CRNN: variants seen among roughly 807,000 people sequenced by gnomAD.
The protein encoded by CRNN is cornulin, also known as 53 kDa putative calcium-binding protein.
A neutral mutation model predicts 44.7 loss-of-function variants in CRNN; 39 were observed. That is an observed-to-expected ratio of 0.87 (90% CI 0.68 to 1.14). The LOEUF is 1.14. Among genes scored for constraint, CRNN ranks in the 50% most tolerant of loss-of-function variants. The probability of loss-of-function intolerance (pLI) is 0.00; values close to 1 mark genes in which losing one functional copy is unlikely to be tolerated. For synonymous variants in CRNN, 240 were observed against 231.8 expected (o/e 1.04, Z -0.32); for missense variants, 606 against 605.1 (o/e 1.00, Z -0.02).
chr1:152,414,098 A>T (rs1655842964), intron 1 of CRNN, 116 bp downstream of exon 1: 1 of 152,264 alleles, frequency 6.6e-6, no homozygotes, highest in South Asian at 2.1e-4. Context: ...TGGTTTGCCC[A>T]GTGCTCACAG....
In CRNN at chr1:152,409,767, C is replaced by T. The variant is rs760555765; in HGVS notation, c.1315G>A (p.Gly439Ser). The T allele has an allele frequency of 5.0e-6, 8 of 1,614,118 alleles. No homozygotes were observed. Among genetic ancestry groups the T allele is most frequent in the South Asian group, 1.1e-5 (1 of 91,092 alleles). ...GAGTGGTCATCAACCCATTCCTCAC[C>T]AACCACTGTGGGCTGTCTGTCTCCC... is the stretch of plus-strand genomic sequence containing the variant. ...GQGDRQPTVV[G>S]EEWVDDHSRE... The change falls in exon 3 of 3, where the codon GGT (glycine) becomes AGT (serine). Residue 439 changes from glycine to serine, a missense_variant. Physicochemically the swap from Gly to Ser is moderately conservative, Grantham distance 56. Coordinates refer to ENST00000271835, the MANE Select transcript of CRNN (RefSeq NM_016190.3).
chr1:152,412,933 C>T (rs1490775915), intron 1 of CRNN, among the ~76,000 whole-genome samples: 1 of 152,184 alleles, frequency 6.6e-6, no homozygotes, highest in African/African-American at 2.4e-5. Context: ...GTAAATACAT[C>T]TGTGAGTCAA....
rs1474253843 is a variant in CRNN at position 152,410,646 on chromosome 1, C to T, written c.436G>A (p.Gly146Arg). Residue 146 changes from glycine (G) to arginine (R), a missense_variant, in exon 3 of 3, where the codon GGG (glycine) becomes AGG (arginine). Transcript: ENST00000271835. ...GTCTGAACCCCAGGCCTGTTCTGCC[C>T]TCTGGAACCCTGCTGGCTCTGTCTG... ...SHRQSQQGSR[G>R]QNRPGVQTQG... is the part of the protein sequence containing the mutation. 1.9e-6 allele frequency: 3 copies of T among 1,613,990 alleles called. No homozygotes were observed. Among genetic ancestry groups the T allele is most frequent in the Non-Finnish European group, 2.5e-6 (3 of 1,180,004 alleles).
Position 152,409,976 on chromosome 1 carries a change from C to T in CRNN, c.1106G>A (p.Gly369Glu). 4 of 1,614,172 alleles carry T rather than the reference C, an allele frequency of 2.5e-6. No individual in the cohort carries two copies. The highest frequency in any genetic ancestry group is 3.4e-6 in the Non-Finnish European group (4 of 1,180,038). ...EQDRSQTVSHGGAREQGQTQT... is the reference protein window; with the variant it reads ...EQDRSQTVSHEGAREQGQTQT... Reference sequence around the variant, plus strand: ...GGTCTGTCCCTGTTCTCTAGCCCCTCCGTGGCTTACAGTTTGGCTTCTGTC... The same window carrying T: ...GGTCTGTCCCTGTTCTCTAGCCCCTTCGTGGCTTACAGTTTGGCTTCTGTC... Residue 369 changes from glycine (G) to glutamate (E), a missense_variant, in exon 3 of 3, where the codon GGA becomes GAA. By Grantham distance (98) the Gly-to-Glu change is moderately conservative. Coordinates refer to ENST00000271835, the MANE Select transcript of CRNN (RefSeq NM_016190.3).
rs1655707166 is a variant in CRNN at position 152,410,069 on chromosome 1, G to T, written c.1013C>A (p.Thr338Asn). ...TEIHGQGRSQ[T>N]SQAVTGGHTQ... ...GTGTCCTCCTGTCACAGCCTGGCTGGTCTGGCTCCTGCCTTGACCGTGGAT... is the reference window on the plus strand; with the variant it reads ...GTGTCCTCCTGTCACAGCCTGGCTGTTCTGGCTCCTGCCTTGACCGTGGAT... Residue 338 changes from threonine to asparagine, a missense_variant, in exon 3 of 3, where the codon ACC becomes AAC. Physicochemically the swap from Thr to Asn is moderately conservative, Grantham distance 65. Coordinates refer to ENST00000271835, the MANE Select transcript of CRNN (RefSeq NM_016190.3). 13 of 1,613,812 alleles carry T rather than the reference G, an allele frequency of 8.1e-6. No homozygotes were observed. The highest frequency in any genetic ancestry group is 1.1e-5 in the Non-Finnish European group (13 of 1,179,978).
chr1:152,410,510 T>C lies in CRNN; in HGVS notation c.572A>G (p.Gln191Arg), dbSNP rs1655722192. 1.9e-6 allele frequency: 3 copies of C among 1,614,090 alleles called. No individual in the cohort carries two copies. The African/African-American group carries it at 4.0e-5, about 22-fold the overall frequency. Residue 191 changes from glutamine to arginine, a missense_variant, in exon 3 of 3, where the codon CAG becomes CGG. Coordinates refer to ENST00000271835, the MANE Select transcript of CRNN (RefSeq NM_016190.3). The part of the protein sequence containing the change: ...PQIQLSGQTE[Q>R]TQKAGEGKRN... ...CTTGCCTTCTCCAGCTTTCTGGGTC[T>C]GCTCTGTCTGCCCAGAGAGTTGTAT... is the stretch of plus-strand genomic sequence containing the variant.
Position 152,412,243 on chromosome 1 carries a change from C to A in CRNN, c.-10G>T, listed in dbSNP as rs1290308979. On this transcript the variant is annotated 5_prime_UTR_variant, in exon 2 of 3. Coordinates refer to ENST00000271835, the MANE Select transcript of CRNN (RefSeq NM_016190.3). ...GCAGTAACTGAGGCATCTTTGAAGT[C>A]AACCTGGAAAAGATGAAAAGTTCCC... is the stretch of plus-strand genomic sequence containing the variant. 6.2e-7 allele frequency: 1 copy of A among 1,601,734 alleles called. No homozygotes were observed. Among genetic ancestry groups the A allele is most frequent in the South Asian group, 1.1e-5 (1 of 90,418 alleles).
Position 152,410,202 on chromosome 1 carries a change from G to A in CRNN, c.880C>T (p.His294Tyr). The part of the protein sequence containing the change: ...GGHAQIQAGT[H>Y]TQTPTQTVEQ... ...ACGGTCTGGGTGGGTGTCTGGGTGTGTGTCCCTGCCTGTATCTGAGCATGT... is the reference window on the plus strand; with the variant it reads ...ACGGTCTGGGTGGGTGTCTGGGTGTATGTCCCTGCCTGTATCTGAGCATGT... The change falls in exon 3 of 3, where the codon CAC becomes TAC. Residue 294 changes from histidine (H) to tyrosine (Y), a missense_variant. Coordinates refer to ENST00000271835, the MANE Select transcript of CRNN (RefSeq NM_016190.3). 6.2e-7 allele frequency: 1 copy of A among 1,612,036 alleles called. No individual in the cohort carries two copies. Among genetic ancestry groups the A allele is most frequent in the Non-Finnish European group, 8.5e-7 (1 of 1,179,602 alleles).
Position 152,410,373 on chromosome 1 carries a change from C to G in CRNN, c.709G>C (p.Gly237Arg). 1 of 1,614,042 alleles carries G rather than the reference C, an allele frequency of 6.2e-7. No homozygotes were observed. Among genetic ancestry groups the G allele is most frequent in the Non-Finnish European group, 8.5e-7 (1 of 1,180,000 alleles). ...TCCTGCTCCACAGTCTGGGTGGCAC[C>G]TGCCTGGGTCTGAGTTCCAGATCCA... ...VTGSGTQTQA[G>R]ATQTVEQDSS... The change falls in exon 3 of 3, where the codon GGT (glycine) becomes CGT (arginine). Residue 237 changes from glycine (G) to arginine (R), a missense_variant. Coordinates refer to ENST00000271835, the MANE Select transcript of CRNN (RefSeq NM_016190.3).
chr1:152,409,386 A>G lies in CRNN; in HGVS notation c.*208T>C, dbSNP rs1655676559. 1 of 847,636 alleles carries G rather than the reference A, an allele frequency of 1.2e-6. No individual in the cohort carries two copies. Among genetic ancestry groups the G allele is most frequent in the Non-Finnish European group, 1.7e-6 (1 of 571,842 alleles). 52.5% of individuals were successfully genotyped at this position (847,636 alleles called of 1,614,324 possible). A position where few individuals can be genotyped will look rare whatever the true frequency, so the allele number is the denominator to read the frequency against. ...CTTGCTCTGAGTCTTCCTGCTCCTGAGAGGGTCTGCACCGCAAAGCAGGTA... is the reference window on the plus strand; with the variant it reads ...CTTGCTCTGAGTCTTCCTGCTCCTGGGAGGGTCTGCACCGCAAAGCAGGTA... On this transcript the variant is annotated 3_prime_UTR_variant, in exon 3 of 3. Transcript: ENST00000271835.
chr1:152,413,155 T>A (rs1205580382), intron 1 of CRNN, among the ~76,000 whole-genome samples: 1 of 152,210 alleles, frequency 6.6e-6, no homozygotes, highest in Admixed American at 6.5e-5. Context: ...ATCAGAGAAG[T>A]CAGCTTGCCC....
At chr1:152,413,867 G>T (rs1339883906) in intron 1 of CRNN, among the ~76,000 whole-genome samples, 1 of 152,192 alleles carries the variant, frequency 6.6e-6, no homozygotes, top group Non-Finnish European at 1.5e-5. Context: ...GTCTAGGTTG[G>T]CATAAGTAAA....
At position 152,410,712 on chromosome 1, in the gene CRNN, C is replaced by T; in HGVS notation, c.370G>A (p.Gly124Arg). Residue 124 changes from glycine (G) to arginine (R), a missense_variant, in exon 3 of 3, where the codon GGA becomes AGA. Gly to Arg is a moderately radical substitution (Grantham distance 125, BLOSUM62 -2). Coordinates refer to ENST00000271835, the MANE Select transcript of CRNN (RefSeq NM_016190.3). The part of the protein sequence containing the change: ...GEGQRSGTEV[G>R]RAGKGQHYEG... ...TAATGCTGCCCTTTCCCCGCCCTTC[C>T]CACTTCAGTGCCACTTCTCTGTCCT... 6.2e-7 allele frequency: 1 copy of T among 1,614,082 alleles called. No individual in the cohort carries two copies. Among genetic ancestry groups the T allele is most frequent in the Non-Finnish European group, 8.5e-7 (1 of 1,179,958 alleles).
Position 152,410,733 on chromosome 1 carries a change from G to GT in CRNN, c.348dup (p.Gln117ThrfsTer6). 6.2e-7 allele frequency: 1 copy of GT among 1,614,108 alleles called. No individual in the cohort carries two copies. The highest frequency in any genetic ancestry group is 8.5e-7 in the Non-Finnish European group (1 of 1,179,992). ...CTTCCCACTTCAGTGCCACTTCTCTGTCCTTCGCCCAGCTCCTGCGAGGCC... is the reference window on the plus strand; with the variant it reads ...CTTCCCACTTCAGTGCCACTTCTCTGTTCCTTCGCCCAGCTCCTGCGAGGCC... On this transcript the variant is annotated frameshift_variant, in exon 3 of 3. Transcript: ENST00000271835. LOFTEE classifies it high-confidence loss of function.
At chr1:152,412,406 G>A (rs964365271) in intron 1 of CRNN, among the ~76,000 whole-genome samples, 160 bp from the exon 2 acceptor site, 4 of 152,156 alleles carry the variant, frequency 2.6e-5, no homozygotes, top group African/African-American at 9.7e-5. Flanking sequence ...GGAAGGAGGA[G>A]CACACAGGAT....
At chr1:152,411,773 C>T (rs924970398) in intron 2 of CRNN, among the ~76,000 whole-genome samples, 9 of 152,104 alleles carry the variant, frequency 5.9e-5, no homozygotes, top group Middle Eastern at 3.2e-3. Context: ...ATTTAAGAGG[C>T]GGCAGAAAGC....
chr1:152,413,302 G>A (rs1290319817), intron 1 of CRNN, among the ~76,000 whole-genome samples: 6 of 152,284 alleles, frequency 3.9e-5, no homozygotes, highest in Middle Eastern at 3.4e-3. Flanking sequence ...GGTTGCATGA[G>A]CAAAAGGAAA....
At chr1:152,412,383 C>T (rs1480799795) in intron 1 of CRNN, 137 bp from the exon 2 acceptor site, 1 of 860,036 alleles carries the variant, frequency 1.2e-6, no homozygotes, top group Non-Finnish European at 1.8e-6. Context: ...CTACATAATG[C>T]ATCTTATGTA....
Position 152,411,909 on chromosome 1 carries a change from G to T in CRNN, c.138+187C>A, listed in dbSNP as rs569475164. Among the ~76,000 whole-genome samples the T allele has an allele frequency of 5.3e-5, 8 of 152,210 alleles. No individual in the cohort carries two copies. In the South Asian group the frequency reaches 1.7e-3, roughly 32 times the overall value. Reference sequence around the variant, plus strand: ...CCAAGGTTTTAATCTAAAGAGCCAGGACTTGCCAACTCCCATGACCATCTC... The same window carrying T: ...CCAAGGTTTTAATCTAAAGAGCCAGTACTTGCCAACTCCCATGACCATCTC... On this transcript the variant is annotated intron_variant, in intron 2 of 2. Coordinates refer to ENST00000271835, the MANE Select transcript of CRNN (RefSeq NM_016190.3).
Sources: allele counts gnomAD v4.1 joint callset (sites outside exome capture counted in the v4.1 genomes callset), GRCh38; gene constraint gnomAD v4.1.1; transcripts MANE v1.5; gene names NCBI Gene and HGNC (gene_info 2026-07-23, HGNC 2026-07-21).